The following SGCZ variants were observed in gnomAD, a reference collection of about 807,000 sequenced individuals.
The protein encoded by SGCZ is zeta-sarcoglycan.
Under a neutral mutation model 41.3 loss-of-function variants are expected in SGCZ, and 40 were observed. The observed-to-expected ratio is 0.97, with a 90% CI of 0.75 to 1.26. The LOEUF is 1.26. SGCZ is among the 50% of genes most tolerant of loss of function. The pLI is 0.00. For synonymous variants in SGCZ, 206 were observed against 137.5 expected, an observed-to-expected ratio of 1.50 and a Z score of -3.49; for missense variants, 552 against 369.8, an observed-to-expected ratio of 1.49 and a Z score of -4.04.
At chr8:14,932,017 T>A (rs1398925729) in intron 1 of SGCZ, among the ~76,000 whole-genome samples, 1 of 151,920 alleles carries the variant, frequency 6.6e-6, no homozygotes, top group Non-Finnish European at 1.5e-5. Flanking sequence ...ATACAATTTG[T>A]TAAATATAAA....
At chr8:14,654,339 C>A (rs1235811145) in intron 1 of SGCZ, among the ~76,000 whole-genome samples, 1 of 152,006 alleles carries the variant, frequency 6.6e-6, no homozygotes, top group East Asian at 1.9e-4. Context: ...TGAGCAATTT[C>A]ATCCAGGCTG....
intron 1 of SGCZ, among the ~76,000 whole-genome samples, chr8:15,115,182 T>C (rs1807221926): frequency 6.6e-6 from 1 of 152,172 alleles, no homozygotes; most frequent in Non-Finnish European, 1.5e-5. Context: ...CCTTCCTCTA[T>C]CTTGTGGTGT....
At chr8:14,443,184 T>C (rs1470357073) in intron 2 of SGCZ, among the ~76,000 whole-genome samples, 1 of 152,184 alleles carries the variant, frequency 6.6e-6, no homozygotes, top group Non-Finnish European at 1.5e-5. Flanking sequence ...TGGAAGAATA[T>C]TCCATGCTCA....
At chr8:14,410,950 G>A (rs1017147178) in intron 2 of SGCZ, among the ~76,000 whole-genome samples, 3 of 151,850 alleles carry the variant, frequency 2.0e-5, no homozygotes, top group Non-Finnish European at 4.4e-5. Flanking sequence ...TTTCTTCAAC[G>A]TTTTTTCTTT....
chr8:14,399,981 G>A (rs1278520070), intron 2 of SGCZ, among the ~76,000 whole-genome samples: 1 of 151,980 alleles, frequency 6.6e-6, no homozygotes, highest in African/African-American at 2.4e-5. Flanking sequence ...GTGCTCATTA[G>A]CTATCAGTTC....
chr8:14,198,995 G>C (rs1805368660), intron 4 of SGCZ, among the ~76,000 whole-genome samples: 1 of 152,172 alleles, frequency 6.6e-6, no homozygotes, highest in Non-Finnish European at 1.5e-5. Context: ...CAAATTGTTT[G>C]TAGAGCATGT....
chr8:14,152,169 A>G, intron 5 of SGCZ, among the ~76,000 whole-genome samples: 1 of 144,704 alleles, frequency 6.9e-6, no homozygotes, highest in African/African-American at 2.4e-5. Flanking sequence ...AAATATTTGC[A>G]AACTTATATA....
intron 1 of SGCZ, among the ~76,000 whole-genome samples, chr8:14,906,646 T>G (rs1799127354): frequency 6.6e-6 from 1 of 152,308 alleles, no homozygotes; most frequent in Admixed American, 6.5e-5. Flanking sequence ...CATATTATAC[T>G]TACCCCTCAC....
chr8:15,208,902 T>TATAGAG (rs1411869670), intron 1 of SGCZ, among the ~76,000 whole-genome samples: 2,699 of 149,964 alleles, frequency 0.018, 58 homozygotes, highest in East Asian at 0.034. Context: ...TACATATATA[T>TATAGAG]AGAGAGAGAG....
rs189574679 is a variant in SGCZ, at chr8:15,129,448, T to A, written c.39+108137A>T. On this transcript the variant is annotated intron_variant, in intron 1 of 7. Coordinates refer to ENST00000382080, the MANE Select transcript of SGCZ (RefSeq NM_139167.4). ...TCTAGAAAGTAACATCCAAACTGTTTAACTAAAATTCTTCCAAGATGCCTC... is the reference window on the plus strand; with the variant it reads ...TCTAGAAAGTAACATCCAAACTGTTAAACTAAAATTCTTCCAAGATGCCTC... Among the ~76,000 whole-genome samples, 1,027 of 152,262 alleles carry A rather than the reference T, an allele frequency of 6.7e-3. 20 individuals are homozygous for A. Among genetic ancestry groups the A allele is most frequent in the African/African-American group, 0.023 (976 of 41,564 alleles).
intron 1 of SGCZ, among the ~76,000 whole-genome samples, chr8:14,793,208 C>CT (rs1801013598): frequency 6.6e-6 from 1 of 152,142 alleles, no homozygotes; most frequent in Non-Finnish European, 1.5e-5. Context: ...ACCCACTTTG[C>CT]TTCATTTTCA....
intron 4 of SGCZ, among the ~76,000 whole-genome samples, chr8:14,230,470 A>C (rs1365638): frequency 0.37 from 55,488 of 151,846 alleles, 10,375 homozygotes; most frequent in Admixed American, 0.43. Context: ...CCTGGAACGG[A>C]TGCCTGGAGT....
intron 4 of SGCZ, among the ~76,000 whole-genome samples, chr8:14,183,688 C>T (rs1247912106): frequency 6.6e-6 from 1 of 152,134 alleles, no homozygotes; most frequent in African/African-American, 2.4e-5. Context: ...CCAGCTTAAC[C>T]TCTAATCTAC....
chr8:14,679,101 T>G (rs990814441), intron 1 of SGCZ, among the ~76,000 whole-genome samples: 2 of 152,156 alleles, frequency 1.3e-5, no homozygotes, highest in Non-Finnish European at 2.9e-5. Flanking sequence ...GCACATGTGT[T>G]TGAGGTAGTG....
rs376682378 is a variant in SGCZ, at chr8:15,101,798, T to C, written c.39+135787A>G. On this transcript the variant is annotated intron_variant, in intron 1 of 7. Transcript: ENST00000382080. ...TATAAAAATTAGCTGGGCATGGTCG[T>C]GCACACCTGCAGTCCCAGCTACTCG... is the stretch of plus-strand genomic sequence containing the variant. Among the ~76,000 whole-genome samples the C allele has an allele frequency of 2.6e-5, 4 of 152,260 alleles. No individual in the cohort carries two copies. The South Asian group carries it at 8.3e-4, about 32-fold the overall frequency.
intron 1 of SGCZ, among the ~76,000 whole-genome samples, chr8:14,902,117 C>T (rs1283146546): frequency 6.6e-6 from 1 of 152,054 alleles, no homozygotes; most frequent in African/African-American, 2.4e-5. Flanking sequence ...AAATGATTCA[C>T]TCCTTAGCTC....
intron 2 of SGCZ, among the ~76,000 whole-genome samples, chr8:14,385,017 A>T (rs1585434771): frequency 6.6e-6 from 1 of 152,292 alleles, no homozygotes; most frequent in Admixed American, 6.5e-5. Flanking sequence ...GCAAGAACTA[A>T]TATATCCCAT....
At chr8:14,601,581 G>A (rs980524539) in intron 1 of SGCZ, among the ~76,000 whole-genome samples, 1 of 152,044 alleles carries the variant, frequency 6.6e-6, no homozygotes, top group African/African-American at 2.4e-5. Flanking sequence ...GTTCTAATAC[G>A]TAGAGCATAC....
chr8:15,062,119 C>T (rs867389318), intron 1 of SGCZ, among the ~76,000 whole-genome samples: 22 of 152,168 alleles, frequency 1.4e-4, no homozygotes, highest in African/African-American at 5.3e-4. Flanking sequence ...TCTCCCTAAA[C>T]ATCCTATAGT....
Sources: allele counts gnomAD v4.1 joint callset (sites outside exome capture counted in the v4.1 genomes callset), GRCh38; gene constraint gnomAD v4.1.1; transcripts MANE v1.5; gene names NCBI Gene and HGNC (gene_info 2026-07-23, HGNC 2026-07-21).